The following BPIFC variants were observed in gnomAD, a reference collection of about 807,000 sequenced individuals.
BPIFC encodes the protein BPI fold-containing family C protein.
A neutral mutation model predicts 57.6 loss-of-function variants in BPIFC; 60 were observed. The ratio of observed to expected loss-of-function variants is 1.04; its 90% CI spans 0.85 to 1.29. The LOEUF is 1.29. Ranked by LOEUF, BPIFC falls within the 50% of genes most tolerant of loss-of-function variation. BPIFC has a pLI of 0.00. For missense variants in BPIFC, 581 were observed against 600.5 expected (o/e 0.97, Z 0.34); for synonymous variants, 243 against 224.5 (o/e 1.08, Z -0.74).
chr22:32,436,361 G>T (rs13054935), intron 9 of BPIFC, among the ~76,000 whole-genome samples: 1 of 141,288 alleles, frequency 7.1e-6, no homozygotes, highest in Non-Finnish European at 1.5e-5. Flanking sequence ...AGGAGGAGGA[G>T]GAGGAGGAGG....
chr22:32,433,119 C>G (rs1474794457), intron 11 of BPIFC, among the ~76,000 whole-genome samples: 1 of 152,200 alleles, frequency 6.6e-6, no homozygotes, highest in Non-Finnish European at 1.5e-5. Flanking sequence ...GGGAGGATCA[C>G]TTGAGCAGGG....
At chr22:32,419,214 G>T in intron 14 of BPIFC, 148 bp downstream of exon 14, 1 of 756,718 alleles carries the variant, frequency 1.3e-6, no homozygotes, top group Non-Finnish European at 2.1e-6. Context: ...TTGATGAGTA[G>T]CTACATAAAG....
At chr22:32,441,910 G>A (rs372384931) in intron 8 of BPIFC, among the ~76,000 whole-genome samples, 14 of 152,318 alleles carry the variant, frequency 9.2e-5, no homozygotes, top group African/African-American at 3.1e-4. Context: ...TAAGGCACAT[G>A]CAACCTAGAT....
intron 14 of BPIFC, among the ~76,000 whole-genome samples, 186 bp from the exon 15 acceptor site, chr22:32,417,334 C>T (rs552237642): frequency 6.6e-6 from 1 of 151,884 alleles, no homozygotes; most frequent in African/African-American, 2.4e-5. Context: ...CACCACTACA[C>T]CTGGCTAAGT....
chr22:32,428,473 G>T (rs1228267433), intron 13 of BPIFC, among the ~76,000 whole-genome samples: 1 of 152,074 alleles, frequency 6.6e-6, no homozygotes, highest in African/African-American at 2.4e-5. Context: ...TAGGCACTGT[G>T]CCTATTGTGC....
chr22:32,443,415 G>A (rs55729707), intron 7 of BPIFC, among the ~76,000 whole-genome samples: 3,269 of 152,162 alleles, frequency 0.021, 134 homozygotes, highest in African/African-American at 0.076. Context: ...CACCCGCCTC[G>A]GCCTCCCAAA....
At chr22:32,437,677 C>T (rs1404688059) in intron 9 of BPIFC, 83 bp downstream of exon 9, 3 of 995,776 alleles carry the variant, frequency 3.0e-6, no homozygotes, top group East Asian at 4.9e-5. Context: ...AGGTGTGAGG[C>T]ACCGTGCCCA....
chr22:32,414,448 G>T (rs1933611529), intron 16 of BPIFC, 23 bp from the exon 17 acceptor site: 1 of 1,611,046 alleles, frequency 6.2e-7, no homozygotes, highest in African/African-American at 1.3e-5. Flanking sequence ...TGACAATGAA[G>T]ATAACGTCAA....
chr22:32,462,139 C>A (rs1211291277), intron 1 of BPIFC, among the ~76,000 whole-genome samples: 2 of 118,354 alleles, frequency 1.7e-5, no homozygotes, highest in African/African-American at 6.7e-5. Flanking sequence ...CACTGCACTC[C>A]AGTCTGGCGA....
intron 3 of BPIFC, 134 bp from the exon 4 acceptor site, chr22:32,453,637 G>T: frequency 8.7e-7 from 1 of 1,143,450 alleles, no homozygotes; most frequent in Non-Finnish European, 1.2e-6. Flanking sequence ...CCCACAAAGT[G>T]GGTATTATTG....
intron 7 of BPIFC, among the ~76,000 whole-genome samples, chr22:32,443,453 G>A (rs1235298245): frequency 2.0e-5 from 3 of 152,166 alleles, no homozygotes; most frequent in East Asian, 1.9e-4. Context: ...GTGAGCCACC[G>A]CGCCCGGCCC....
chr22:32,457,356 C>A lies in BPIFC; in HGVS notation c.31G>T (p.Gly11Ter). 2 of 1,610,296 alleles carry A rather than the reference C, an allele frequency of 1.2e-6. No individual in the cohort carries two copies. The highest frequency in any genetic ancestry group is 1.7e-6 in the Non-Finnish European group (2 of 1,178,926). The change falls in exon 3 of 17, where the codon GGA becomes TGA. Residue 11 changes from glycine (G) to a stop codon, truncating the protein, a stop_gained. Transcript: ENST00000300399. LOFTEE classifies it high-confidence loss of function. MCTKTIPVLW[G>*]CFLLWNLYVS... The stretch of plus-strand genomic sequence containing the variant: ...TAGAGATTCCACAGGAGGAAACATC[C>A]CCAGAGGACTGGGATTGTCTTTGTA...
intron 13 of BPIFC, among the ~76,000 whole-genome samples, chr22:32,427,524 C>T (rs933729492): frequency 1.3e-5 from 2 of 152,196 alleles, no homozygotes; most frequent in Non-Finnish European, 2.9e-5. Context: ...CCAGCCTTTC[C>T]TTTCCTCCTG....
intron 13 of BPIFC, among the ~76,000 whole-genome samples, chr22:32,424,300 C>G (rs74505546): frequency 0.018 from 2,805 of 152,264 alleles, 32 homozygotes; most frequent in African/African-American, 0.034. Flanking sequence ...ACTAGACATG[C>G]TCAAAGAGTT....
chr22:32,447,822 T>C (rs1447365141), intron 4 of BPIFC, among the ~76,000 whole-genome samples: 1 of 152,058 alleles, frequency 6.6e-6, no homozygotes, highest in Non-Finnish European at 1.5e-5. Context: ...TTGCCCAGAC[T>C]GGTCTTGAAC....
chr22:32,431,362 G>C lies in BPIFC; in HGVS notation c.1202C>G (p.Ser401Cys). The C allele has an allele frequency of 6.2e-7, 1 of 1,612,032 alleles. No individual in the cohort carries two copies. Among genetic ancestry groups the C allele is most frequent in the South Asian group, 1.1e-5 (1 of 91,026 alleles). The change falls in exon 13 of 17, where the codon TCC becomes TGC. Residue 401 changes from serine (S) to cysteine (C), a missense_variant. Physicochemically the swap from Ser to Cys is moderately radical, Grantham distance 112. Coordinates refer to ENST00000300399, the MANE Select transcript of BPIFC (RefSeq NM_174932.3). ...LVILGQRLVC[S>C]LSLNRFRLAL... is the part of the protein sequence containing the mutation. ...TTGATCTTACCTGTTCAGAGACAAG[G>C]AGCAGACCAGTCTTTGTCCCAAAAT...
In BPIFC at chr22:32,435,839, G is replaced by A. The variant is rs1050538417; in HGVS notation, c.789C>T (p.Phe263=). 1 of 1,614,152 alleles carries A rather than the reference G, an allele frequency of 6.2e-7. No homozygotes were observed. The highest frequency in any genetic ancestry group is 8.5e-7 in the Non-Finnish European group (1 of 1,180,024). ...CTGGGAGCACAAAAGGAACTGGTGA[G>A]AAGGGGGGGTCGGTGAGGTTTTCCA... ...YPLENLTDPP[F]SPVPFVLPER... The change falls in exon 10 of 17, where the codon TTC becomes TTT. Residue 263 remains phenylalanine (F), a synonymous_variant. Coordinates refer to ENST00000300399, the MANE Select transcript of BPIFC (RefSeq NM_174932.3).
chr22:32,454,801 C>G (rs1359683924), intron 3 of BPIFC, among the ~76,000 whole-genome samples: 3 of 152,092 alleles, frequency 2.0e-5, no homozygotes, highest in African/African-American at 7.2e-5. Flanking sequence ...AGGTTTGAAT[C>G]CCAACTTTGC....
chr22:32,447,951 C>T (rs760656), intron 4 of BPIFC, among the ~76,000 whole-genome samples: 125,822 of 152,024 alleles, frequency 0.83, 52,313 homozygotes, highest in South Asian at 0.92. Flanking sequence ...ACTTGTTTAG[C>T]TTATTTAAAG....
Sources: allele counts gnomAD v4.1 joint callset (sites outside exome capture counted in the v4.1 genomes callset), GRCh38; gene constraint gnomAD v4.1.1; transcripts MANE v1.5; gene names NCBI Gene and HGNC (gene_info 2026-07-23, HGNC 2026-07-21).